The following CUL9 variants were observed in gnomAD, a reference collection of about 807,000 sequenced individuals.
The protein encoded by CUL9 is cullin 9.
Under a neutral mutation model 272.6 loss-of-function variants are expected in CUL9, and 79 were observed. The observed-to-expected ratio is 0.29, with a 90% CI of 0.24 to 0.35. The LOEUF (loss-of-function observed/expected upper bound fraction) is 0.35. Ranked by LOEUF, CUL9 falls within the 10% of genes least tolerant of loss-of-function variation. The pLI, the probability that CUL9 is intolerant of heterozygous loss-of-function variation, is 1.00. For missense variants in CUL9, 2,532 were observed against 3,255.6 expected (o/e 0.78, Z 5.41); for synonymous variants, 1,186 against 1,286.5 (o/e 0.92, Z 1.67).
chr6:43,213,796 G>A lies in CUL9; in HGVS notation c.5572G>A (p.Glu1858Lys), dbSNP rs749473873. The A allele has an allele frequency of 2.0e-5, 33 of 1,614,096 alleles. No individual in the cohort carries two copies. The highest frequency in any genetic ancestry group is 2.8e-5 in the Non-Finnish European group (33 of 1,180,046). The change falls in exon 29 of 41, where the codon GAG becomes AAG. Residue 1858 changes from glutamate (E) to lysine (K), a missense_variant. This residue lies in a region of CUL9 where 2,218 missense variants were observed against 2,788.6 expected (regional missense o/e 0.80). Transcript: ENST00000252050. This position sits in a 1 kb window ranked among gnomAD's most constrained non-coding sequence, Gnocchi z 5.7. ...ACCTCCCCAGGCATACCTGAACGTAGAGAAGGATGAAGGCCGAACCCTGGA... is the reference window on the plus strand; with the variant it reads ...ACCTCCCCAGGCATACCTGAACGTAAAGAAGGATGAAGGCCGAACCCTGGA... The part of the protein sequence containing the change: ...LIPPQAYLNV[E>K]KDEGRTLEQK...
chr6:43,213,641 A>C lies in CUL9; in HGVS notation c.5489-72A>C, dbSNP rs56046707. 0.086 allele frequency: 137,426 copies of C among 1,604,200 alleles called. 6,421 individuals carry two copies. The highest frequency in any genetic ancestry group is 0.096 in the Non-Finnish European group (112,510 of 1,174,398). Reference sequence around the variant, plus strand: ...GCCCTCAAGATGGGGGGACTGTGAGAATGGGGTCATCTTAGTCCCCATTCA... The same window carrying C: ...GCCCTCAAGATGGGGGGACTGTGAGCATGGGGTCATCTTAGTCCCCATTCA... On this transcript the variant is annotated intron_variant, in intron 28 of 40. Coordinates refer to ENST00000252050, the MANE Select transcript of CUL9 (RefSeq NM_015089.4). This position sits in a 1 kb window ranked among gnomAD's most constrained non-coding sequence, Gnocchi z 5.7.
intron 8 of CUL9, among the ~76,000 whole-genome samples, chr6:43,191,967 C>A (rs1773562444): frequency 6.7e-6 from 1 of 148,882 alleles, no homozygotes; most frequent in African/African-American, 2.5e-5. Flanking sequence ...ATCTATTGAT[C>A]TATTTAGCTA....
chr6:43,199,417 G>A lies in CUL9; in HGVS notation c.3156+46G>A. On this transcript the variant is annotated intron_variant, in intron 13 of 40. Transcript: ENST00000252050. This position sits in a 1 kb window ranked among gnomAD's most constrained non-coding sequence, Gnocchi z 4.4. Reference sequence around the variant, plus strand: ...AGAAGAGAGGGAAGGGCAGCATCTGGGGCACCAACTCCTTGTGAGGCTCTG... The same window carrying A: ...AGAAGAGAGGGAAGGGCAGCATCTGAGGCACCAACTCCTTGTGAGGCTCTG... 2.7e-6 allele frequency: 4 copies of A among 1,462,238 alleles called. No homozygotes were observed. The highest frequency in any genetic ancestry group is 3.8e-6 in the Non-Finnish European group (4 of 1,043,576). 90.6% of individuals were successfully genotyped at this position (1,462,238 alleles called of 1,614,324 possible). A position where few individuals can be genotyped will look rare whatever the true frequency, so the allele number is the denominator to read the frequency against.
rs1772991758 is a variant in CUL9 at position 43,187,017 on chromosome 6, C to T, written c.1309C>T (p.Leu437=). 1 of 1,613,948 alleles carries T rather than the reference C, an allele frequency of 6.2e-7. No homozygotes were observed. The highest frequency in any genetic ancestry group is 8.5e-7 in the Non-Finnish European group (1 of 1,179,976). ...YWVHWHMLEI[L]GPEEATEDKA... ...GGTGCACTGGCACATGCTGGAGATC[C>T]TGGGCCCTGAGGAAGCCACTGAGGA... The change falls in exon 5 of 41, where the codon CTG becomes TTG. Residue 437 remains leucine, a synonymous_variant. Transcript: ENST00000252050.
At chr6:43,204,706 A>C in intron 21 of CUL9, 42 bp from the exon 22 acceptor site, 1 of 1,605,332 alleles carries the variant, frequency 6.2e-7, no homozygotes, top group Non-Finnish European at 8.5e-7. Context: ...ACTCACCCAG[A>C]GGCTGAGATG....
chr6:43,199,429 C>A lies in CUL9; in HGVS notation c.3156+58C>A. On this transcript the variant is annotated intron_variant, in intron 13 of 40. Coordinates refer to ENST00000252050, the MANE Select transcript of CUL9 (RefSeq NM_015089.4). This position sits in a 1 kb window ranked among gnomAD's most constrained non-coding sequence, Gnocchi z 4.4. Reference sequence around the variant, plus strand: ...AGGGCAGCATCTGGGGCACCAACTCCTTGTGAGGCTCTGGAGGGCACAGCA... The same window carrying A: ...AGGGCAGCATCTGGGGCACCAACTCATTGTGAGGCTCTGGAGGGCACAGCA... 1 of 1,360,022 alleles carries A rather than the reference C, an allele frequency of 7.4e-7. No homozygotes were observed. The highest frequency in any genetic ancestry group is 1.4e-5 in the African/African-American group (1 of 69,854). The allele number at this position is 1,360,022 out of a possible 1,614,324, so 84.2% of individuals were successfully genotyped here.
At position 43,200,017 on chromosome 6, in the gene CUL9, A is replaced by C. The variant is rs1385598345; in HGVS notation, c.3245A>C (p.Glu1082Ala). 3.1e-6 allele frequency: 5 copies of C among 1,614,206 alleles called. No homozygotes were observed. Among genetic ancestry groups the C allele is most frequent in the Non-Finnish European group, 4.2e-6 (5 of 1,180,032 alleles). The change falls in exon 14 of 41, where the codon GAG becomes GCG. Residue 1082 changes from glutamate to alanine, a missense_variant. By Grantham distance (107) the Glu-to-Ala change is moderately radical (BLOSUM62 -1). Transcript: ENST00000252050. The surrounding 1 kb of genome is among the most constrained non-coding windows in gnomAD (Gnocchi z 4.0). ...GTGCTCTGCTGCCTGGGAGCAAAAG[A>C]GATCCTCTCCAAAGTCCTGGACAAG... ...AVVLCCLGAK[E>A]ILSKVLDKHS...
At position 43,193,036 on chromosome 6, in the gene CUL9, C is replaced by T. The variant is rs1306808932; in HGVS notation, c.2216C>T (p.Thr739Ile). 14 of 1,614,148 alleles carry T rather than the reference C, an allele frequency of 8.7e-6. No individual in the cohort carries two copies. The highest frequency in any genetic ancestry group is 1.2e-5 in the Non-Finnish European group (14 of 1,180,024). ...KLVKMLVELL[T>I]NQVGEKMVVV... Reference sequence around the variant, plus strand: ...GTGAAGATGCTGGTGGAGCTGCTGACCAACCAGGTGGGAGAGAAGATGGTG... The same window carrying T: ...GTGAAGATGCTGGTGGAGCTGCTGATCAACCAGGTGGGAGAGAAGATGGTG... The change falls in exon 9 of 41, where the codon ACC (threonine) becomes ATC (isoleucine). Residue 739 changes from threonine to isoleucine, a missense_variant. Transcript: ENST00000252050.
intron 26 of CUL9, among the ~76,000 whole-genome samples, chr6:43,208,039 A>G (rs570363400): frequency 6.6e-6 from 1 of 152,338 alleles, no homozygotes; most frequent in African/African-American, 2.4e-5. Flanking sequence ...TTTTGTTAGA[A>G]GGTTAAAATA....
rs1774710510 is a variant in CUL9, at chr6:43,202,794, C to T, written c.3726C>T (p.Thr1242=). The T allele has an allele frequency of 3.1e-6, 5 of 1,614,074 alleles. No individual in the cohort carries two copies. The highest frequency in any genetic ancestry group is 4.2e-6 in the Non-Finnish European group (5 of 1,180,022). Reference sequence around the variant, plus strand: ...TGGTGGTGTTTGGGGGTGACAGCACCAGCTGCATCGGCACTGAGCTCAACA... The same window carrying T: ...TGGTGGTGTTTGGGGGTGACAGCACTAGCTGCATCGGCACTGAGCTCAACA... The part of the protein sequence containing the change: ...ARVVVFGGDS[T]SCIGTELNTV... The change falls in exon 17 of 41, where the codon ACC becomes ACT. Residue 1242 remains threonine (T), a synonymous_variant. Transcript: ENST00000252050.
Position 43,192,686 on chromosome 6 carries a change from GACAA to G in CUL9, c.2181-309_2181-306del, listed in dbSNP as rs1773638505. On this transcript the variant is annotated intron_variant, in intron 8 of 40. Transcript: ENST00000252050. ...CAAGACTCCATCTCAAAAACGAAAA[GACAA>G]ACAAAACCACCTTTTAGGCATTTTG... Among the ~76,000 whole-genome samples the G allele has an allele frequency of 2.0e-5, 3 of 152,222 alleles. No homozygotes were observed. In the South Asian group the frequency reaches 6.2e-4, roughly 32 times the overall value.
intron 4 of CUL9, 141 bp from the exon 5 acceptor site, chr6:43,186,818 GT>G: frequency 1.9e-6 from 2 of 1,047,510 alleles, no homozygotes; most frequent in African/African-American, 1.6e-5. Context: ...CCATATGGGG[GT>G]TTTTCCAGGC....
intron 16 of CUL9, among the ~76,000 whole-genome samples, chr6:43,201,691 G>A (rs1774580756): frequency 6.6e-6 from 1 of 152,272 alleles, no homozygotes; most frequent in East Asian, 1.9e-4. Context: ...GTGTTAGTCA[G>A]GATGGTCTCG....
Position 43,216,471 on chromosome 6 carries a change from C to T in CUL9, c.6250C>T (p.Pro2084Ser), listed in dbSNP as rs1775940072. 6.2e-7 allele frequency: 1 copy of T among 1,601,894 alleles called. No individual in the cohort carries two copies. The highest frequency in any genetic ancestry group is 1.7e-5 in the Admixed American group (1 of 59,738). Reference protein sequence around the residue: ...VSPLGCDDDLPSLCCMHYCCK... With the variant: ...VSPLGCDDDLSSLCCMHYCCK... ...CCCCCTGGGGTGTGACGACGACCTG[C>T]CCTCTCTCTGCTGCATGCACTATTG... is the stretch of plus-strand genomic sequence containing the variant. The change falls in exon 31 of 41, where the codon CCC (proline) becomes TCC (serine). Residue 2084 changes from proline (P) to serine (S), a missense_variant. By Grantham distance (74) the Pro-to-Ser change is moderately conservative. Coordinates refer to ENST00000252050, the MANE Select transcript of CUL9 (RefSeq NM_015089.4).
At chr6:43,209,441 G>T (rs913056199) in intron 26 of CUL9, among the ~76,000 whole-genome samples, 1 of 149,996 alleles carries the variant, frequency 6.7e-6, no homozygotes, top group South Asian at 2.1e-4. Context: ...GAGCCACCGT[G>T]CCCGGCCATT....
rs538972823 is a variant in CUL9 at position 43,184,957 on chromosome 6, G to A, written c.595+52G>A. ...AGGAATGGAGAAAATGGGGCCACAG[G>A]GAATAAGAAAGAGGAGAGATTTCCT... is the stretch of plus-strand genomic sequence containing the variant. On this transcript the variant is annotated intron_variant, in intron 2 of 40. Transcript: ENST00000252050. This position sits in a 1 kb window ranked among gnomAD's most constrained non-coding sequence, Gnocchi z 4.8. 2 of 1,371,288 alleles carry A rather than the reference G, an allele frequency of 1.5e-6. No individual in the cohort carries two copies. The highest frequency in any genetic ancestry group is 1.4e-5 in the African/African-American group (1 of 69,044). 84.9% of individuals were successfully genotyped at this position (1,371,288 alleles called of 1,614,324 possible). A position where few individuals can be genotyped will look rare whatever the true frequency, so the allele number is the denominator to read the frequency against.
At position 43,205,347 on chromosome 6, in the gene CUL9, C is replaced by A. The variant is rs1249546156; in HGVS notation, c.4717C>A (p.Gln1573Lys). ...AGCCCCTGGAGTGGAAATGCTGGGG[C>A]AGCTTCAGCGGCACCTGGAACCCAT... ...GGAPGVEMLG[Q>K]LQRHLEPIMV... is the part of the protein sequence containing the mutation. Residue 1573 changes from glutamine to lysine, a missense_variant, in exon 24 of 41, where the codon CAG becomes AAG. Gln to Lys is a moderately conservative substitution (Grantham distance 53). Coordinates refer to ENST00000252050, the MANE Select transcript of CUL9 (RefSeq NM_015089.4). 6.2e-7 allele frequency: 1 copy of A among 1,614,228 alleles called. No individual in the cohort carries two copies. Among genetic ancestry groups the A allele is most frequent in the African/African-American group, 1.3e-5 (1 of 75,056 alleles).
Position 43,221,437 on chromosome 6 carries a change from C to A in CUL9, c.6752+116C>A. ...CAGCAAAAGAGGGTGGTTCCTCAGC[C>A]GCCCCTCACGTGGCAGCCTCCACGG... On this transcript the variant is annotated intron_variant, in intron 34 of 40. Coordinates refer to ENST00000252050, the MANE Select transcript of CUL9 (RefSeq NM_015089.4). This position sits in a 1 kb window ranked among gnomAD's most constrained non-coding sequence, Gnocchi z 4.2. The A allele has an allele frequency of 8.0e-7, 1 of 1,251,770 alleles. No homozygotes were observed. The highest frequency in any genetic ancestry group is 1.5e-5 in the African/African-American group (1 of 66,208). The allele number at this position is 1,251,770 out of a possible 1,614,324, so 77.5% of individuals were successfully genotyped here. A position where few individuals can be genotyped will look rare whatever the true frequency, so the allele number is the denominator to read the frequency against.
At chr6:43,189,122 T>G (rs878921209) in intron 8 of CUL9, among the ~76,000 whole-genome samples, 1 of 148,244 alleles carries the variant, frequency 6.7e-6, no homozygotes, top group Non-Finnish European at 1.5e-5. Flanking sequence ...TTTCTTTTTT[T>G]TCTGTCCCTA....
Sources: allele counts gnomAD v4.1 joint callset (sites outside exome capture counted in the v4.1 genomes callset), GRCh38; gene constraint gnomAD v4.1.1; regional missense constraint gnomAD v4.1.1; non-coding constraint Gnocchi (gnomAD v3.1); transcripts MANE v1.5; gene names NCBI Gene and HGNC (gene_info 2026-07-23, HGNC 2026-07-21).